PIP5K1B: variants seen among roughly 807,000 people sequenced by gnomAD.
The protein encoded by PIP5K1B is phosphatidylinositol-4-phosphate 5-kinase type 1 beta.
In PIP5K1B, 42 loss-of-function variants were observed where a neutral mutation model predicts 67.0. The observed-to-expected ratio is 0.63, with a 90% CI of 0.49 to 0.81. The LOEUF (loss-of-function observed/expected upper bound fraction) is 0.81. Ranked by LOEUF, PIP5K1B falls within the 30% of genes least tolerant of loss-of-function variation. The pLI, the probability that PIP5K1B is intolerant of heterozygous loss-of-function variation, is 0.00. For missense variants in PIP5K1B, 459 were observed against 646.3 expected, an observed-to-expected ratio of 0.71 and a Z score of 3.14; for synonymous variants, 214 against 231.4, an observed-to-expected ratio of 0.92 and a Z score of 0.68.
chr9:68,841,106 G>T (rs921529345), intron 4 of PIP5K1B, among the ~76,000 whole-genome samples: 2 of 151,952 alleles, frequency 1.3e-5, no homozygotes, highest in East Asian at 1.9e-4. Flanking sequence ...CCATAAAATC[G>T]ATGTGCTCAA....
intron 12 of PIP5K1B, among the ~76,000 whole-genome samples, chr9:68,933,459 G>A (rs1049005191): frequency 1.3e-5 from 2 of 151,968 alleles, no homozygotes; most frequent in Non-Finnish European, 2.9e-5. Flanking sequence ...TCCCCTCAAA[G>A]AAAAACAAAT....
intron 2 of PIP5K1B, among the ~76,000 whole-genome samples, chr9:68,752,185 A>G (rs563647167): frequency 4.9e-4 from 74 of 152,310 alleles, no homozygotes; most frequent in African/African-American, 1.6e-3. Flanking sequence ...AGTGTCTATT[A>G]TGGTATCTTG....
chr9:68,817,010 C>G (rs1370593859), intron 2 of PIP5K1B, among the ~76,000 whole-genome samples: 1 of 152,166 alleles, frequency 6.6e-6, no homozygotes, highest in Admixed American at 6.5e-5. Flanking sequence ...CTTGCAACCT[C>G]TAGGACAGAG....
intron 4 of PIP5K1B, among the ~76,000 whole-genome samples, chr9:68,862,164 C>G (rs1483630967): frequency 6.6e-6 from 1 of 152,100 alleles, no homozygotes; most frequent in Non-Finnish European, 1.5e-5. Flanking sequence ...CCTAGCCCTG[C>G]TCTAGATGTA....
chr9:68,740,273 G>A (rs1828941147), intron 1 of PIP5K1B, among the ~76,000 whole-genome samples: 1 of 152,238 alleles, frequency 6.6e-6, no homozygotes, highest in South Asian at 2.1e-4. Context: ...TGTATAAATA[G>A]AAGTACTTAA....
At chr9:68,908,505 A>C (rs1292433632) in intron 8 of PIP5K1B, among the ~76,000 whole-genome samples, 1 of 151,826 alleles carries the variant, frequency 6.6e-6, no homozygotes, top group Non-Finnish European at 1.5e-5. Flanking sequence ...CATACACACC[A>C]TGAAAAACAC....
intron 15 of PIP5K1B, among the ~76,000 whole-genome samples, chr9:69,005,427 G>T (rs1299243454): frequency 1.3e-5 from 2 of 151,976 alleles, no homozygotes; most frequent in Admixed American, 1.3e-4. Context: ...TGCTCTTGTT[G>T]CCCAGGCTGG....
At chr9:68,826,908 C>T (rs762050800) in intron 4 of PIP5K1B, among the ~76,000 whole-genome samples, 3 of 143,124 alleles carry the variant, frequency 2.1e-5, no homozygotes, top group East Asian at 2.0e-4. Flanking sequence ...CATGCCGCCA[C>T]GCCTGGCTAA....
At chr9:68,874,443 G>A (rs1391540213) in intron 5 of PIP5K1B, among the ~76,000 whole-genome samples, 1 of 152,136 alleles carries the variant, frequency 6.6e-6, no homozygotes, top group East Asian at 1.9e-4. Context: ...GTGTGTCTGT[G>A]TGTCTGTCTC....
chr9:68,905,791 A>T (rs1443016369), intron 8 of PIP5K1B, among the ~76,000 whole-genome samples: 1 of 152,186 alleles, frequency 6.6e-6, no homozygotes, highest in African/African-American at 2.4e-5. Context: ...CTGTAGGACC[A>T]GGGCCTGCAC....
At chr9:68,780,212 G>C (rs895675678) in intron 2 of PIP5K1B, 4 of 1,538,070 alleles carry the variant, frequency 2.6e-6, no homozygotes, top group Admixed American at 4.3e-5. Context: ...CTCCGGGTAC[G>C]GGCGGGAGCC....
intron 4 of PIP5K1B, among the ~76,000 whole-genome samples, chr9:68,857,671 A>C (rs1822847106): frequency 6.6e-6 from 1 of 152,028 alleles, no homozygotes; most frequent in South Asian, 2.1e-4. Context: ...TTTGAGATCA[A>C]CCTGAGCCAT....
intron 2 of PIP5K1B, among the ~76,000 whole-genome samples, chr9:68,812,440 A>C (rs1418572345): frequency 1.3e-5 from 2 of 152,254 alleles, no homozygotes; most frequent in African/African-American, 2.4e-5. Flanking sequence ...GTCAAAAAAA[A>C]GTCATTGTCT....
chr9:68,921,952 T>C (rs1826427623), intron 11 of PIP5K1B, among the ~76,000 whole-genome samples: 1 of 150,288 alleles, frequency 6.7e-6, no homozygotes, highest in Non-Finnish European at 1.5e-5. Flanking sequence ...AACCTATTTT[T>C]GTTTGTTTTC....
At chr9:68,749,933 C>T (rs993710975) in intron 2 of PIP5K1B, among the ~76,000 whole-genome samples, 3 of 152,220 alleles carry the variant, frequency 2.0e-5, no homozygotes, top group African/African-American at 7.2e-5. Context: ...ATCCCAGCTC[C>T]ATCACTAAGT....
chr9:68,918,087 A>T lies in PIP5K1B; in HGVS notation c.983+328A>T, dbSNP rs1267543924. ...TTTGAATAAACATGTTTTATTGTTT[A>T]TTTATTTATTTTTTTTTTTTGAGAC... On this transcript the variant is annotated intron_variant, in intron 9 of 15. Coordinates refer to ENST00000265382, the MANE Select transcript of PIP5K1B (RefSeq NM_003558.4). Among the ~76,000 whole-genome samples, 115 of 133,052 alleles carry T rather than the reference A, an allele frequency of 8.6e-4. 1 individual carries two copies. The highest frequency in any genetic ancestry group is 6.7e-3 in the East Asian group (28 of 4,166). The allele number at this position is 133,052 out of a possible 152,430, so 87.3% of individuals were successfully genotyped here. A position where few individuals can be genotyped will look rare whatever the true frequency, so the allele number is the denominator to read the frequency against.
chr9:68,889,137 AG>A lies in PIP5K1B; in HGVS notation c.471+6del. On this transcript the variant is annotated splice_donor_5th_base_variant and intron_variant, in intron 7 of 15. Coordinates refer to ENST00000265382, the MANE Select transcript of PIP5K1B (RefSeq NM_003558.4). Reference sequence around the variant, plus strand: ...GCTACTGCCAGGCTATTACATGGTAAGGAACTGCACATCATTAATGCTTCTA... The same window carrying A: ...GCTACTGCCAGGCTATTACATGGTAAGAACTGCACATCATTAATGCTTCTA... The A allele has an allele frequency of 6.2e-7, 1 of 1,609,408 alleles. No homozygotes were observed. Among genetic ancestry groups the A allele is most frequent in the Non-Finnish European group, 8.5e-7 (1 of 1,176,076 alleles).
At chr9:68,909,156 A>C (rs994324443) in intron 8 of PIP5K1B, among the ~76,000 whole-genome samples, 3 of 152,242 alleles carry the variant, frequency 2.0e-5, no homozygotes, top group Non-Finnish European at 4.4e-5. Flanking sequence ...TAAGCATTTC[A>C]AAATAGCACG....
At chr9:68,956,086 T>G (rs1339917883) in intron 14 of PIP5K1B, among the ~76,000 whole-genome samples, 1 of 152,192 alleles carries the variant, frequency 6.6e-6, no homozygotes, top group East Asian at 1.9e-4. Flanking sequence ...ACTTGACCCA[T>G]AAGATGAACT....
Sources: allele counts gnomAD v4.1 joint callset (sites outside exome capture counted in the v4.1 genomes callset), GRCh38; gene constraint gnomAD v4.1.1; transcripts MANE v1.5; gene names NCBI Gene and HGNC (gene_info 2026-07-23, HGNC 2026-07-21).